The following NEBL variants were observed in gnomAD, a reference collection of about 807,000 sequenced individuals.
NEBL encodes LIM and SH3 protein 2.
NEBL carries 122 observed loss-of-function variants against 140.2 expected under a neutral mutation model. That is an observed-to-expected ratio of 0.87 (90% CI 0.75 to 1.01). The LOEUF is 1.01. Ranked by LOEUF, NEBL falls within the 50% of genes least tolerant of loss-of-function variation. The probability of loss-of-function intolerance (pLI) is 0.00; values close to 1 mark genes in which losing one functional copy is unlikely to be tolerated. For synonymous variants in NEBL, 436 were observed against 398.9 expected (o/e 1.09, Z -1.11); for missense variants, 1,365 against 1,231.3 (o/e 1.11, Z -1.62).
chr10:20,897,427 T>C, upstream of NEBL: 1 of 1,265,676 alleles, frequency 7.9e-7, no homozygotes, highest in Non-Finnish European at 9.9e-7. Context: ...CAAGTGGAAA[T>C]AACATATTCT....
intron 11 of NEBL, among the ~76,000 whole-genome samples, chr10:20,847,151 C>T (rs1385769537): frequency 2.0e-5 from 3 of 152,150 alleles, no homozygotes; most frequent in Non-Finnish European, 4.4e-5. Flanking sequence ...TTTATACCTA[C>T]TTCATCAGTC....
intron 2 of NEBL, among the ~76,000 whole-genome samples, chr10:21,054,626 G>C (rs924103838): frequency 1.3e-5 from 2 of 152,034 alleles, no homozygotes; most frequent in Non-Finnish European, 2.9e-5. Context: ...AATTCTCTTG[G>C]ATACAGATGA....
At chr10:21,021,538 C>T (rs1244938745) in intron 2 of NEBL, among the ~76,000 whole-genome samples, 1 of 152,182 alleles carries the variant, frequency 6.6e-6, no homozygotes, top group Non-Finnish European at 1.5e-5. Context: ...ACGTTATTCC[C>T]CTTTCCTGGA....
At chr10:21,281,087 T>C (rs978090834) in intron 1 of NEBL, among the ~76,000 whole-genome samples, 32 of 151,968 alleles carry the variant, frequency 2.1e-4, no homozygotes, top group African/African-American at 6.8e-4. Flanking sequence ...ATGGCAGAGG[T>C]CAAGCACAAA....
chr10:21,150,464 G>A (rs1452931769), intron 2 of NEBL, among the ~76,000 whole-genome samples: 5 of 152,140 alleles, frequency 3.3e-5, no homozygotes, highest in Admixed American at 1.3e-4. Context: ...CTCCAACCAC[G>A]GGCTTGCACA....
At chr10:20,821,859 T>C (rs1839353177) in intron 19 of NEBL, among the ~76,000 whole-genome samples, 1 of 152,212 alleles carries the variant, frequency 6.6e-6, no homozygotes, top group Admixed American at 6.5e-5. Flanking sequence ...ACCCTCTTCT[T>C]GAATCCTGGA....
intron 3 of NEBL, among the ~76,000 whole-genome samples, chr10:20,979,878 T>C: frequency 6.6e-6 from 1 of 152,058 alleles, no homozygotes; most frequent in African/African-American, 2.4e-5. Flanking sequence ...ATCTAATTTT[T>C]AAATAAAATT....
At chr10:20,812,975 GGATA>G (rs770744085) in intron 23 of NEBL, 35 bp from the exon 24 acceptor site, 1 of 1,568,660 alleles carries the variant, frequency 6.4e-7, no homozygotes, top group Non-Finnish European at 8.8e-7. Flanking sequence ...TGAATTTTGC[GGATA>G]GTTACCTCTT....
At chr10:21,132,113 A>G (rs1839139560) in intron 2 of NEBL, among the ~76,000 whole-genome samples, 1 of 152,192 alleles carries the variant, frequency 6.6e-6, no homozygotes, top group Non-Finnish European at 1.5e-5. Flanking sequence ...AAAGAAACTC[A>G]GTACTCATTA....
At chr10:21,079,262 A>G (rs534135046) in intron 2 of NEBL, among the ~76,000 whole-genome samples, 2 of 152,180 alleles carry the variant, frequency 1.3e-5, no homozygotes, top group African/African-American at 4.8e-5. Context: ...AAGAAAGAAA[A>G]TGAGGAGGTG....
intron 4 of NEBL, among the ~76,000 whole-genome samples, chr10:20,916,147 T>G (rs1848546902): frequency 6.6e-6 from 1 of 152,138 alleles, no homozygotes; most frequent in African/African-American, 2.4e-5. Flanking sequence ...ACTAGATGTT[T>G]GATGAGTGCA....
intron 2 of NEBL, among the ~76,000 whole-genome samples, chr10:21,102,256 T>A (rs1837512127): frequency 6.6e-6 from 1 of 152,226 alleles, no homozygotes; most frequent in Non-Finnish European, 1.5e-5. Context: ...CTTCTTTTTT[T>A]AACAGCTTTA....
intron 3 of NEBL, among the ~76,000 whole-genome samples, chr10:21,228,452 C>T (rs995275821): frequency 4.6e-5 from 7 of 152,120 alleles, no homozygotes; most frequent in African/African-American, 1.4e-4. Flanking sequence ...CTGTGCCTGG[C>T]CAATCCAAAG....
Position 21,061,240 on chromosome 10 carries a change from T to TATATTACATATTATGTGATATGTAAC in NEBL, c.165-41065_165-41040dup, listed in dbSNP as rs1280407903. Among the ~76,000 whole-genome samples, 206 of 72,662 alleles carry TATATTACATATTATGTGATATGTAAC rather than the reference T, an allele frequency of 2.8e-3. 3 individuals are homozygous for TATATTACATATTATGTGATATGTAAC. The highest frequency in any genetic ancestry group is 9.3e-3 in the Middle Eastern group (1 of 108). 47.7% of individuals were successfully genotyped at this position (72,662 alleles called of 152,430 possible). A position where few individuals can be genotyped will look rare whatever the true frequency, so the allele number is the denominator to read the frequency against. ...AGAGATGTGGCATTATATATTGTGA[T>TATATTACATATTATGTGATATGTAAC]ATATTACATATTATGTGATATGTAA... On this transcript the variant is annotated intron_variant, in intron 2 of 6. Transcript: ENST00000417816.
At chr10:21,244,116 C>T (rs1842481978) in intron 3 of NEBL, among the ~76,000 whole-genome samples, 2 of 152,082 alleles carry the variant, frequency 1.3e-5, no homozygotes, top group Non-Finnish European at 2.9e-5. Context: ...TCACCCCTTT[C>T]AATCTTTCCC....
chr10:21,132,122 T>C (rs2132072741), intron 2 of NEBL, among the ~76,000 whole-genome samples: 1 of 152,272 alleles, frequency 6.6e-6, no homozygotes, highest in Non-Finnish European at 1.5e-5. Context: ...CAGTACTCAT[T>C]AGCAATCACT....
chr10:20,823,488 A>G (rs1238418182), intron 18 of NEBL, among the ~76,000 whole-genome samples, 188 bp from the exon 19 acceptor site: 1 of 152,180 alleles, frequency 6.6e-6, no homozygotes, highest in Non-Finnish European at 1.5e-5. Flanking sequence ...AGGTACAAAT[A>G]AATCCGTATC....
rs148789430 is a variant in NEBL at position 21,118,788 on chromosome 10, T to A, written c.164+53595A>T. Among the ~76,000 whole-genome samples the A allele has an allele frequency of 5.6e-3, 859 of 152,296 alleles. 4 individuals carry two copies. Among genetic ancestry groups the A allele is most frequent in the South Asian group, 0.026 (127 of 4,830 alleles). ...CCACTGATTAAGTTTCTCTTTCCTA[T>A]GAATGCATAGTCATTTATAGAAAAT... On this transcript the variant is annotated intron_variant, in intron 2 of 6. Transcript: ENST00000417816.
chr10:21,020,103 C>A (rs1838726370), intron 3 of NEBL: 1 of 1,607,518 alleles, frequency 6.2e-7, no homozygotes, highest in Non-Finnish European at 8.5e-7. Context: ...CAAAACAAAT[C>A]TTCTAGAAGT....
Sources: gnomAD v4.1 joint callset for allele counts (sites outside exome capture counted in the v4.1 genomes callset) on GRCh38, gnomAD v4.1.1 for gene constraint, MANE v1.5 for transcripts, NCBI Gene and HGNC (gene_info 2026-07-23, HGNC 2026-07-21) for gene names.